The following GREB1L variants were observed in gnomAD, a reference collection of about 807,000 sequenced individuals.
GREB1L encodes GREB1-like protein.
Under a neutral mutation model 200.8 loss-of-function variants are expected in GREB1L, and 17 were observed. The observed-to-expected ratio is 0.08, with a 90% CI of 0.06 to 0.13. The LOEUF (loss-of-function observed/expected upper bound fraction) is 0.13. GREB1L is among the 10% of genes least tolerant of loss of function. GREB1L has a pLI of 1.00. For missense variants in GREB1L, 1,657 were observed against 2,367.7 expected, an observed-to-expected ratio of 0.70 and a Z score of 6.23; for synonymous variants, 789 against 893.0, an observed-to-expected ratio of 0.88 and a Z score of 2.08.
chr18:21,389,962 A>C (rs1386678386), intron 4 of GREB1L, among the ~76,000 whole-genome samples: 2 of 152,228 alleles, frequency 1.3e-5, no homozygotes, highest in Non-Finnish European at 2.9e-5. Flanking sequence ...GCTCTCCATC[A>C]GACTAGAGGA....
At chr18:21,406,941 C>T (rs2030325845) in intron 7 of GREB1L, among the ~76,000 whole-genome samples, 1 of 143,638 alleles carries the variant, frequency 7.0e-6, no homozygotes. Context: ...GTGGCACTAT[C>T]TCAGCTCACT....
At chr18:21,322,823 A>G (rs2038970330) in intron 1 of GREB1L, among the ~76,000 whole-genome samples, 2 of 152,330 alleles carry the variant, frequency 1.3e-5, no homozygotes, top group South Asian at 2.1e-4. Flanking sequence ...CAATCTGGAA[A>G]AAAGTAAAAT....
intron 1 of GREB1L, among the ~76,000 whole-genome samples, chr18:21,311,925 G>T (rs1332410215): frequency 6.6e-6 from 1 of 151,644 alleles, no homozygotes; most frequent in Non-Finnish European, 1.5e-5. Flanking sequence ...TTATTTCATC[G>T]CCCAGGTACT....
At chr18:21,415,949 C>T (rs1282594937) in intron 7 of GREB1L, among the ~76,000 whole-genome samples, 1 of 152,100 alleles carries the variant, frequency 6.6e-6, no homozygotes, top group Non-Finnish European at 1.5e-5. Flanking sequence ...GCCTGACATC[C>T]AGTGAAAGAT....
intron 1 of GREB1L, among the ~76,000 whole-genome samples, chr18:21,328,943 A>C (rs907358343): frequency 1.6e-4 from 25 of 152,160 alleles, no homozygotes; most frequent in Non-Finnish European, 5.9e-5. Flanking sequence ...TGAGTCACAC[A>C]CACCCTTGAA....
In GREB1L at chr18:21,485,622, G is replaced by A; in HGVS notation, c.2559G>A (p.Glu853=). The change falls in exon 18 of 33, where the codon GAG becomes GAA. Residue 853 remains glutamate (E), a splice_region_variant and synonymous_variant. Coordinates refer to ENST00000424526, the MANE Select transcript of GREB1L (RefSeq NM_001142966.3). ...TTTTGCTCTGTATTTTGAACCAGGA[G>A]GACGTGGGCTGCGAGGAGAAGCTGT... ...EVHWIQLDTG[E]DVGCEEKLYF... The A allele has an allele frequency of 6.4e-7, 1 of 1,551,070 alleles. No homozygotes were observed. The highest frequency in any genetic ancestry group is 8.7e-7 in the Non-Finnish European group (1 of 1,146,720).
intron 15 of GREB1L, among the ~76,000 whole-genome samples, chr18:21,460,519 T>G (rs1483947698): frequency 1.3e-5 from 2 of 152,114 alleles, no homozygotes; most frequent in African/African-American, 2.4e-5. Context: ...CTAATTTTTT[T>G]TATATAGACG....
chr18:21,348,812 GC>G (rs2039392205), intron 1 of GREB1L, among the ~76,000 whole-genome samples: 1 of 152,128 alleles, frequency 6.6e-6, no homozygotes, highest in Non-Finnish European at 1.5e-5. Context: ...AGCCATGGTG[GC>G]ATGCACCTGT....
intron 4 of GREB1L, among the ~76,000 whole-genome samples, chr18:21,392,362 T>C (rs1337792077): frequency 6.7e-6 from 1 of 150,316 alleles, no homozygotes; most frequent in African/African-American, 2.5e-5. Context: ...ATTTTTTTTT[T>C]CCAATGGGTT....
chr18:21,407,698 C>G (rs1388038769), intron 7 of GREB1L, among the ~76,000 whole-genome samples: 2 of 151,772 alleles, frequency 1.3e-5, no homozygotes, highest in Non-Finnish European at 2.9e-5. Flanking sequence ...TAAAATGGAC[C>G]TCATCAAAAT....
At chr18:21,377,506 T>A (rs1193065677) in intron 2 of GREB1L, among the ~76,000 whole-genome samples, 1 of 152,158 alleles carries the variant, frequency 6.6e-6, no homozygotes, top group African/African-American at 2.4e-5. Context: ...TCGGGTACAG[T>A]GGCTCAGACC....
At chr18:21,304,258 G>A (rs2038664626) in intron 1 of GREB1L, among the ~76,000 whole-genome samples, 1 of 150,334 alleles carries the variant, frequency 6.7e-6, no homozygotes, top group Non-Finnish European at 1.5e-5. Flanking sequence ...ATTATTTCCT[G>A]ATTGTGGTCA....
chr18:21,457,828 C>T (rs1240106838), intron 15 of GREB1L, among the ~76,000 whole-genome samples: 1 of 152,198 alleles, frequency 6.6e-6, no homozygotes, highest in African/African-American at 2.4e-5. Context: ...TAAAATAACT[C>T]TTTAAAATCA....
At chr18:21,299,927 A>G (rs1311352268) in intron 1 of GREB1L, among the ~76,000 whole-genome samples, 2 of 152,218 alleles carry the variant, frequency 1.3e-5, no homozygotes, top group African/African-American at 4.8e-5. Context: ...TACATATAGA[A>G]TACCAGCTAG....
intron 1 of GREB1L, among the ~76,000 whole-genome samples, chr18:21,320,803 C>T (rs1318268948): frequency 6.6e-6 from 1 of 151,254 alleles, no homozygotes; most frequent in Non-Finnish European, 1.5e-5. Context: ...CAACAAAGGC[C>T]TTCCTAGAAG....
In GREB1L at chr18:21,400,509, G is replaced by A. The variant is rs11873522; in HGVS notation, c.533-641G>A. ...TGGCCTGTGCTCTGCTTTCCTCTTCGCAGATCAGCTTCCCTTCATGGTTCT... is the reference window on the plus strand; with the variant it reads ...TGGCCTGTGCTCTGCTTTCCTCTTCACAGATCAGCTTCCCTTCATGGTTCT... On this transcript the variant is annotated intron_variant, in intron 5 of 32. Coordinates refer to ENST00000424526, the MANE Select transcript of GREB1L (RefSeq NM_001142966.3). Among the ~76,000 whole-genome samples the A allele has an allele frequency of 9.8e-3, 1,493 of 152,232 alleles. 29 individuals carry two copies. Among genetic ancestry groups the A allele is most frequent in the African/African-American group, 0.034 (1,420 of 41,532 alleles).
intron 6 of GREB1L, among the ~76,000 whole-genome samples, chr18:21,402,410 T>C (rs1376566292): frequency 2.0e-5 from 3 of 152,024 alleles, no homozygotes; most frequent in South Asian, 2.1e-4. Context: ...TCCTTCTCTT[T>C]TCATTTATCT....
chr18:21,461,874 C>A (rs28384346), intron 15 of GREB1L, among the ~76,000 whole-genome samples: 1 of 152,158 alleles, frequency 6.6e-6, no homozygotes, highest in Non-Finnish European at 1.5e-5. Context: ...TTTAAGATTT[C>A]GTGGCCCTCT....
At chr18:21,279,546 T>G (rs2038231121) in intron 1 of GREB1L, among the ~76,000 whole-genome samples, 1 of 152,236 alleles carries the variant, frequency 6.6e-6, no homozygotes, top group Non-Finnish European at 1.5e-5. Flanking sequence ...TTCCAAAAGA[T>G]TCTTCCAATT....
Sources: allele counts gnomAD v4.1 joint callset (sites outside exome capture counted in the v4.1 genomes callset), GRCh38; gene constraint gnomAD v4.1.1; transcripts MANE v1.5; gene names NCBI Gene and HGNC (gene_info 2026-07-23, HGNC 2026-07-21).